Variants in CPNE5 observed in about 807,000 individuals in gnomAD.
CPNE5 encodes the protein copine 5.
CPNE5 carries 42 observed loss-of-function variants against 81.1 expected under a neutral mutation model. The ratio of observed to expected loss-of-function variants is 0.52; its 90% CI spans 0.40 to 0.67. The LOEUF (loss-of-function observed/expected upper bound fraction) is 0.67, where lower values mean the gene tolerates loss of function less well. Ranked by LOEUF, CPNE5 falls within the 30% of genes least tolerant of loss-of-function variation. The pLI is 0.00. For missense variants in CPNE5, 612 were observed against 815.5 expected (o/e 0.75, Z 3.04); for synonymous variants, 313 against 321.5 (o/e 0.97, Z 0.28).
intron 3 of CPNE5, among the ~76,000 whole-genome samples, chr6:36,814,303 A>G (rs1350167637): frequency 6.6e-6 from 1 of 152,230 alleles, no homozygotes; most frequent in African/African-American, 2.4e-5. Flanking sequence ...CCCAGGACCA[A>G]GAGGCATAAC....
In CPNE5 at chr6:36,839,392, C is replaced by G. The variant is rs1194313699; in HGVS notation, c.-15G>C. ...GGCTGCTCCATCGCCCACCGCACCC[C>G]CCACCCCAAATTAGTCAATCCCTGC... On this transcript the variant is annotated 5_prime_UTR_variant, in exon 1 of 21. Transcript: ENST00000244751. This position sits in a 1 kb window ranked among gnomAD's most constrained non-coding sequence, Gnocchi z 7.3. The G allele has an allele frequency of 5.9e-6, 9 of 1,537,076 alleles. No individual in the cohort carries two copies. The highest frequency in any genetic ancestry group is 7.9e-6 in the Non-Finnish European group (9 of 1,138,252).
chr6:36,748,351 C>T (rs1764421636), intron 14 of CPNE5, 84 bp from the exon 15 acceptor site: 1 of 1,245,572 alleles, frequency 8.0e-7, no homozygotes, highest in Non-Finnish European at 1.2e-6. Flanking sequence ...TTGGCTACCA[C>T]CCTGGCTCTG....
At chr6:36,765,294 T>C (rs1283495248) in intron 11 of CPNE5, 41 bp downstream of exon 11, 2 of 1,605,130 alleles carry the variant, frequency 1.2e-6, no homozygotes, top group Non-Finnish European at 1.7e-6. Context: ...GCTGTCCCCA[T>C]CCCCACTCAC....
chr6:36,778,889 G>C lies in CPNE5; in HGVS notation c.597C>G (p.Pro199=). The C allele has an allele frequency of 6.2e-7, 1 of 1,606,796 alleles. No individual in the cohort carries two copies. Among genetic ancestry groups the C allele is most frequent in the Non-Finnish European group, 8.5e-7 (1 of 1,173,792 alleles). Residue 199 remains proline, a synonymous_variant, in exon 9 of 21, where the codon CCC becomes CCG. Transcript: ENST00000244751. ...DKKDFFGKSD[P]FLVFYRSNED... is the part of the protein sequence containing the mutation. ...CGTTGCTTCTGTAGAATACCAAGAA[G>C]GGGTCAGATTTCCCAAAGAAATCTT...
At chr6:36,762,227 C>CAAAAA (rs57426698) in intron 12 of CPNE5, among the ~76,000 whole-genome samples, 1 of 122,992 alleles carries the variant, frequency 8.1e-6, no homozygotes, top group African/African-American at 3.2e-5. Context: ...GGCCCTGTCT[C>CAAAAA]AAAAAAAAAA....
In CPNE5 at chr6:36,762,179, G is replaced by T. The variant is rs1217734991; in HGVS notation, c.855+738C>A. Among the ~76,000 whole-genome samples the T allele has an allele frequency of 2.7e-5, 4 of 148,570 alleles. No individual in the cohort carries two copies. In the East Asian group the frequency reaches 7.9e-4, roughly 29 times the overall value. On this transcript the variant is annotated intron_variant, in intron 12 of 20. Transcript: ENST00000244751. ...GAGGTGGGAGGATCGCTTGAGCCTG[G>T]GAGATTGGGGCTGCAGTGAACCAGG... is the stretch of plus-strand genomic sequence containing the variant.
Position 36,746,500 on chromosome 6 carries a change from C to G in CPNE5, c.1096G>C (p.Val366Leu), listed in dbSNP as rs150078502. 3 of 1,613,684 alleles carry G rather than the reference C, an allele frequency of 1.9e-6. No individual in the cohort carries two copies. The highest frequency in any genetic ancestry group is 2.5e-6 in the Non-Finnish European group (3 of 1,179,810). Reference sequence around the variant, plus strand: ...TCGTAGTGCTGGATGATCTCTCCGACGGCAGTCAGCGCCAGCGCGTAGGCG... The same window carrying G: ...TCGTAGTGCTGGATGATCTCTCCGAGGGCAGTCAGCGCCAGCGCGTAGGCG... The part of the protein sequence containing the change: ...LNAYALALTA[V>L]GEIIQHYDSD... The change falls in exon 16 of 21, where the codon GTC becomes CTC. Residue 366 changes from valine to leucine, a missense_variant. Coordinates refer to ENST00000244751, the MANE Select transcript of CPNE5 (RefSeq NM_020939.2). This position sits in a 1 kb window ranked among gnomAD's most constrained non-coding sequence, Gnocchi z 4.5.
chr6:36,759,147 T>C (rs570786686), intron 12 of CPNE5, among the ~76,000 whole-genome samples: 4 of 152,366 alleles, frequency 2.6e-5, no homozygotes, highest in Non-Finnish European at 5.9e-5. Flanking sequence ...ACCAAAGATT[T>C]GGCCACAAGC....
chr6:36,742,573 C>A (rs1443481885), intron 20 of CPNE5, 87 bp from the exon 21 acceptor site: 6 of 733,148 alleles, frequency 8.2e-6, no homozygotes, highest in Non-Finnish European at 1.4e-5. Context: ...CATCCCCACC[C>A]CCCTCCCAGC....
At chr6:36,835,039 AGCT>A (rs2150629037) in intron 1 of CPNE5, among the ~76,000 whole-genome samples, 1 of 152,286 alleles carries the variant, frequency 6.6e-6, no homozygotes, top group South Asian at 2.1e-4. Flanking sequence ...GCAGAACAAC[AGCT>A]GCCCACCAGC....
At chr6:36,801,562 G>C (rs1770102174) in intron 3 of CPNE5, among the ~76,000 whole-genome samples, 1 of 152,210 alleles carries the variant, frequency 6.6e-6, no homozygotes, top group South Asian at 2.1e-4. Context: ...TTCAAAAAAG[G>C]GGTGAGGGGC....
intron 3 of CPNE5, among the ~76,000 whole-genome samples, chr6:36,801,241 G>A (rs914654228): frequency 1.3e-5 from 2 of 152,040 alleles, no homozygotes; most frequent in African/African-American, 4.8e-5. Flanking sequence ...CCCCATCTTT[G>A]GGCATCAGAA....
At chr6:36,799,884 T>C (rs2150528767) in intron 4 of CPNE5, 83 bp downstream of exon 4, 1 of 1,020,656 alleles carries the variant, frequency 9.8e-7, no homozygotes, top group Non-Finnish European at 1.5e-6. Context: ...CTCAGCTCCT[T>C]CCTCAACCAC....
At chr6:36,745,260 C>A in intron 17 of CPNE5, 110 bp from the exon 18 acceptor site, 2 of 1,422,042 alleles carry the variant, frequency 1.4e-6, no homozygotes, top group Non-Finnish European at 1.9e-6. Context: ...GGGGGAATCT[C>A]TTCAGGGTCA....
At chr6:36,839,522 G>A, upstream of CPNE5, 1 of 616,150 alleles carries the variant, frequency 1.6e-6, no homozygotes, top group Non-Finnish European at 2.7e-6. This position sits in a 1 kb window ranked among gnomAD's most constrained non-coding sequence, Gnocchi z 7.3. Context: ...AAGAGGGGGC[G>A]TGGGAAGTGA....
At chr6:36,779,772 T>G (rs1562128590) in intron 8 of CPNE5, among the ~76,000 whole-genome samples, 3 of 152,186 alleles carry the variant, frequency 2.0e-5, no homozygotes, top group Non-Finnish European at 2.9e-5. Flanking sequence ...CCCTCAGCTC[T>G]CTGGGGCCAA....
At chr6:36,791,607 G>A (rs1343491387) in intron 8 of CPNE5, among the ~76,000 whole-genome samples, 1 of 152,112 alleles carries the variant, frequency 6.6e-6, no homozygotes, top group Non-Finnish European at 1.5e-5. Context: ...CATGCAGGGT[G>A]TCACCCTACT....
intron 3 of CPNE5, among the ~76,000 whole-genome samples, chr6:36,801,680 T>C (rs1455073609): frequency 6.6e-6 from 1 of 152,188 alleles, no homozygotes; most frequent in African/African-American, 2.4e-5. Flanking sequence ...CTTGAGATTA[T>C]GCTAAGTGAA....
intron 1 of CPNE5, among the ~76,000 whole-genome samples, chr6:36,830,370 G>A (rs902292479): frequency 3.3e-5 from 5 of 152,124 alleles, no homozygotes; most frequent in South Asian, 2.1e-4. Context: ...ATGTCCTCCT[G>A]CCCAGCTCCC....
Sources: allele counts gnomAD v4.1 joint callset (sites outside exome capture counted in the v4.1 genomes callset), GRCh38; gene constraint gnomAD v4.1.1; non-coding constraint Gnocchi (gnomAD v3.1); transcripts MANE v1.5; gene names NCBI Gene and HGNC (gene_info 2026-07-23, HGNC 2026-07-21).